GPSM1: variants seen among roughly 807,000 people sequenced by gnomAD.
The protein encoded by GPSM1 is G protein signaling modulator 1.
GPSM1 carries 48 observed loss-of-function variants against 70.5 expected under a neutral mutation model. The observed-to-expected ratio is 0.68, with a 90% CI of 0.54 to 0.87. The LOEUF (loss-of-function observed/expected upper bound fraction) is 0.87. Ranked by LOEUF, GPSM1 falls within the 40% of genes least tolerant of loss-of-function variation. The pLI, the probability that GPSM1 is intolerant of heterozygous loss-of-function variation, is 0.00. For missense variants in GPSM1, 981 were observed against 972.6 expected (o/e 1.01, Z -0.11); for synonymous variants, 416 against 430.1 (o/e 0.97, Z 0.41).
At chr9:136,331,183 G>A (rs1202670528) in intron 1 of GPSM1, among the ~76,000 whole-genome samples, 3 of 152,200 alleles carry the variant, frequency 2.0e-5, no homozygotes, top group Non-Finnish European at 2.9e-5. Flanking sequence ...GAGGAAAGGA[G>A]CCAGGCTAGG....
In GPSM1 at chr9:136,343,747, C is replaced by CGAGCCTGAGGGCCCGT. The variant is rs1832449918; in HGVS notation, c.1207+2755_1207+2770dup. On this transcript the variant is annotated intron_variant, in intron 9 of 13. Transcript: ENST00000440944. The surrounding 1 kb of genome is among the most constrained non-coding windows in gnomAD (Gnocchi z 6.0). The stretch of plus-strand genomic sequence containing the variant: ...GAGCTTGGCAGGGGTGAGAGGCCAG[C>CGAGCCTGAGGGCCCGT]GAGCCTGAGGGCCCGTAAGCCTGTT... Among the ~76,000 whole-genome samples the CGAGCCTGAGGGCCCGT allele has an allele frequency of 1.3e-5, 2 of 152,164 alleles. No individual in the cohort carries two copies. Among genetic ancestry groups the CGAGCCTGAGGGCCCGT allele is most frequent in the Admixed American group, 1.3e-4 (2 of 15,286 alleles).
rs782288487 is a variant in GPSM1, at chr9:136,337,432, G to A, written c.579-9G>A. 5 of 1,568,204 alleles carry A rather than the reference G, an allele frequency of 3.2e-6. No homozygotes were observed. Among genetic ancestry groups the A allele is most frequent in the South Asian group, 1.2e-5 (1 of 85,284 alleles). On this transcript the variant is annotated splice_polypyrimidine_tract_variant and intron_variant, in intron 4 of 13. Coordinates refer to ENST00000440944, the MANE Select transcript of GPSM1 (RefSeq NM_001145638.3). ...GGAGGGACACGGCTCAGAGGCACTCGGCCCCCAGGAGGAACCTGTCCCTGG... is the reference window on the plus strand; with the variant it reads ...GGAGGGACACGGCTCAGAGGCACTCAGCCCCCAGGAGGAACCTGTCCCTGG...
intron 9 of GPSM1, among the ~76,000 whole-genome samples, chr9:136,344,849 C>A (rs1832482219): frequency 6.6e-6 from 1 of 152,180 alleles, no homozygotes; most frequent in Non-Finnish European, 1.5e-5. Context: ...TTGTGTGAGA[C>A]CCCCTCCCCA....
Position 136,356,391 on chromosome 9 carries a change from C to G in GPSM1, c.1662C>G (p.Leu554=). ...ASPQTEEFFD[L]IASSQSRRLD... ...CCCAGACCGAGGAATTCTTCGACCT[C>G]ATCGCCAGCTCCCAGAGCCGCCGGC... is the stretch of plus-strand genomic sequence containing the variant. Residue 554 remains leucine (L), a synonymous_variant, in exon 13 of 14, where the codon CTC becomes CTG. Coordinates refer to ENST00000440944, the MANE Select transcript of GPSM1 (RefSeq NM_001145638.3). 1 of 1,608,640 alleles carries G rather than the reference C, an allele frequency of 6.2e-7. No homozygotes were observed. The highest frequency in any genetic ancestry group is 8.5e-7 in the Non-Finnish European group (1 of 1,177,810).
intron 1 of GPSM1, among the ~76,000 whole-genome samples, chr9:136,330,721 G>T (rs1177408835): frequency 6.6e-6 from 1 of 152,214 alleles, no homozygotes; most frequent in African/African-American, 2.4e-5. Context: ...TGCCAATTCT[G>T]TTAGCAGGGC....
chr9:136,358,384 T>C lies in GPSM1; in HGVS notation c.*164T>C, dbSNP rs574884760. 1.7e-4 allele frequency: 114 copies of C among 661,104 alleles called. No homozygotes were observed. In the African/African-American group the frequency reaches 2.0e-3, roughly 12 times the overall value. 41.0% of individuals were successfully genotyped at this position (661,104 alleles called of 1,614,324 possible). ...CAGGCTCAGGCCAAGCTGCCCGTGG[T>C]GGGAGGGCGTGCTTCCATCCCGGGC... On this transcript the variant is annotated 3_prime_UTR_variant, in exon 14 of 14. Coordinates refer to ENST00000440944, the MANE Select transcript of GPSM1 (RefSeq NM_001145638.3).
At chr9:136,349,020 A>T (rs1832592857) in intron 10 of GPSM1, among the ~76,000 whole-genome samples, 2 of 152,202 alleles carry the variant, frequency 1.3e-5, no homozygotes, top group African/African-American at 4.8e-5. Context: ...CCCAGCTGCT[A>T]TGCCACCACA....
intron 9 of GPSM1, among the ~76,000 whole-genome samples, chr9:136,346,784 G>T (rs1353144890): frequency 6.6e-6 from 1 of 152,228 alleles, no homozygotes; most frequent in African/African-American, 2.4e-5. Context: ...GGGTCAGGGG[G>T]ATGTTGGCTG....
chr9:136,352,140 A>ATAC (rs1564355219), intron 11 of GPSM1, among the ~76,000 whole-genome samples: 3 of 135,518 alleles, frequency 2.2e-5, no homozygotes, highest in African/African-American at 8.4e-5. Context: ...GGTGACACCA[A>ATAC]TGCTGCGCCG....
At chr9:136,344,838 C>T (rs1325815427) in intron 9 of GPSM1, among the ~76,000 whole-genome samples, 2 of 152,192 alleles carry the variant, frequency 1.3e-5, no homozygotes, top group East Asian at 3.9e-4. Flanking sequence ...CTCGTGGGCC[C>T]TTGTGTGAGA....
In GPSM1 at chr9:136,341,257, T is replaced by C. The variant is rs1161688207; in HGVS notation, c.1207+264T>C. ...GGTCGCCTGTTGCCCCACTGGCTGC[T>C]CCAGGGCCTCCACCCCCACCTCCCC... On this transcript the variant is annotated intron_variant, in intron 9 of 13. Transcript: ENST00000440944. The surrounding 1 kb of genome is among the most constrained non-coding windows in gnomAD (Gnocchi z 6.7). The C allele has an allele frequency of 1.5e-5, 23 of 1,487,804 alleles. 1 individual carries two copies. The Admixed American group carries it at 2.5e-4, about 16-fold the overall frequency. 92.2% of individuals were successfully genotyped at this position (1,487,804 alleles called of 1,614,324 possible).
chr9:136,341,744 G>C lies in GPSM1; in HGVS notation c.1207+751G>C. On this transcript the variant is annotated intron_variant, in intron 9 of 13. Transcript: ENST00000440944. This position sits in a 1 kb window ranked among gnomAD's most constrained non-coding sequence, Gnocchi z 6.7. Reference sequence around the variant, plus strand: ...CCTGGTGCCCCCCAGGCCTGCTAAGGACCAGGCTGGGAACACCAGGCTTGG... The same window carrying C: ...CCTGGTGCCCCCCAGGCCTGCTAAGCACCAGGCTGGGAACACCAGGCTTGG... 1.0e-6 allele frequency: 1 copy of C among 986,352 alleles called. No homozygotes were observed. The highest frequency in any genetic ancestry group is 1.2e-6 in the Non-Finnish European group (1 of 830,560). 61.1% of individuals were successfully genotyped at this position (986,352 alleles called of 1,614,324 possible).
At chr9:136,350,534 G>A (rs1554771908) in intron 11 of GPSM1, among the ~76,000 whole-genome samples, 1 of 152,210 alleles carries the variant, frequency 6.6e-6, no homozygotes, top group East Asian at 1.9e-4. Flanking sequence ...AGGGGCCGGG[G>A]CAGGACCGAT....
At chr9:136,355,878 G>C in intron 12 of GPSM1, 32 bp downstream of exon 12, 1 of 1,568,644 alleles carries the variant, frequency 6.4e-7, no homozygotes, top group Non-Finnish European at 8.7e-7. Context: ...GCCCTCCCTT[G>C]GGCTTGTCTG....
At position 136,334,667 on chromosome 9, in the gene GPSM1, CGGTGAGTGGGGACGGTCCTGCTGGCG is replaced by C. The variant is rs782023805; in HGVS notation, c.290+11_290+36del. On this transcript the variant is annotated splice_donor_variant and splice_donor_5th_base_variant and coding_sequence_variant and intron_variant, in exon 2 of 14. Coordinates refer to ENST00000440944, the MANE Select transcript of GPSM1 (RefSeq NM_001145638.3). LOFTEE classifies it high-confidence loss of function. The stretch of plus-strand genomic sequence containing the variant: ...CCACAAGCATGACCTCCTGCTGGCG[CGGTGAGTGGGGACGGTCCTGCTGGCG>C]GGTGAGTGGGGCGGCCCTGCTGGCG... 6.8e-5 allele frequency: 109 copies of C among 1,606,398 alleles called. No individual in the cohort carries two copies. The highest frequency in any genetic ancestry group is 1.7e-5 in the Non-Finnish European group (20 of 1,177,418).
intron 11 of GPSM1, chr9:136,353,255 C>T (rs949850446): frequency 4.3e-6 from 1 of 232,098 alleles, no homozygotes; most frequent in Non-Finnish European, 7.1e-6. Context: ...GTGCATTCCC[C>T]TCCTCCGCAG....
chr9:136,338,451 A>G (rs1813978431), intron 6 of GPSM1, 104 bp from the exon 7 acceptor site: 1 of 1,117,278 alleles, frequency 9.0e-7, no homozygotes. Flanking sequence ...CCCCAGTGGG[A>G]TTCCGGGGCA....
At chr9:136,344,332 C>T (rs1832469626) in intron 9 of GPSM1, among the ~76,000 whole-genome samples, 1 of 152,194 alleles carries the variant, frequency 6.6e-6, no homozygotes, top group South Asian at 2.1e-4. Context: ...ATTCCGACTG[C>T]CCTCACAAAG....
rs751912060 is a variant in GPSM1, at chr9:136,340,944, C to T, written c.1158C>T (p.Thr386=). The T allele has an allele frequency of 1.6e-5, 25 of 1,563,684 alleles. No homozygotes were observed. The highest frequency in any genetic ancestry group is 2.7e-5 in the African/African-American group (2 of 73,712). The change falls in exon 9 of 14, where the codon ACC becomes ACT. Residue 386 remains threonine (T), a synonymous_variant. Transcript: ENST00000440944. The surrounding 1 kb of genome is among the most constrained non-coding windows in gnomAD (Gnocchi z 7.3). ...TGCAGCTGGTGCTCGGCCGCCTGAC[C>T]AGCCCGGCAGCCTCAGAGAAGCCTG... is the stretch of plus-strand genomic sequence containing the variant. ...AQLQLVLGRL[T]SPAASEKPDL... is the part of the protein sequence containing the mutation.
Sources: gnomAD v4.1 joint callset for allele counts (sites outside exome capture counted in the v4.1 genomes callset) on GRCh38, gnomAD v4.1.1 for gene constraint, Gnocchi (gnomAD v3.1) non-coding constraint, MANE v1.5 for transcripts, NCBI Gene and HGNC (gene_info 2026-07-23, HGNC 2026-07-21) for gene names.